RAP1A: variants seen among roughly 807,000 people sequenced by gnomAD.
The protein encoded by RAP1A is ras-related protein Rap-1A.
Under a neutral mutation model 26.4 loss-of-function variants are expected in RAP1A, and 6 were observed. The observed-to-expected ratio is 0.23, with a 90% CI of 0.12 to 0.45. The LOEUF (loss-of-function observed/expected upper bound fraction) is 0.45. Ranked by LOEUF, RAP1A falls within the 20% of genes least tolerant of loss-of-function variation. The probability of loss-of-function intolerance (pLI) is 0.99; values close to 1 mark genes in which losing one functional copy is unlikely to be tolerated. For synonymous variants in RAP1A, 73 were observed against 79.4 expected (o/e 0.92, Z 0.43); for missense variants, 121 against 217.2 (o/e 0.56, Z 2.78).
At chr1:111,642,876 TCTC>T (rs1659939508) in intron 1 of RAP1A, among the ~76,000 whole-genome samples, 1 of 151,082 alleles carries the variant, frequency 6.6e-6, no homozygotes, top group Non-Finnish European at 1.5e-5. Context: ...TTCAGGTGAT[TCTC>T]CTGCCTCAGC....
chr1:111,577,309 G>T lies in RAP1A; in HGVS notation c.-28+34800G>T, dbSNP rs1476626571. 2.7e-5 allele frequency among the ~76,000 whole-genome samples: 4 copies of T among 146,440 alleles called. No individual in the cohort carries two copies. In the Admixed American group the frequency reaches 2.9e-4, roughly 10 times the overall value. On this transcript the variant is annotated intron_variant, in intron 1 of 7. Transcript: ENST00000356415. ...CCCAGCTACTTGGGAGGCTGAGGCA[G>T]GAGAATCCCTTGAACCCAGGAGGTG... is the stretch of plus-strand genomic sequence containing the variant.
chr1:111,615,174 G>C (rs1485634486), upstream of RAP1A, among the ~76,000 whole-genome samples: 1 of 152,094 alleles, frequency 6.6e-6, no homozygotes, highest in Non-Finnish European at 1.5e-5. Context: ...AAGTGGGATG[G>C]AGATACACAA....
chr1:111,618,633 C>A (rs77071413), upstream of RAP1A, among the ~76,000 whole-genome samples: 468 of 152,258 alleles, frequency 3.1e-3, 2 homozygotes, highest in Non-Finnish European at 5.1e-3. Flanking sequence ...TAACAGACAC[C>A]TTAAACATAA....
chr1:111,598,796 T>C (rs564312723), intron 1 of RAP1A, among the ~76,000 whole-genome samples: 5 of 152,242 alleles, frequency 3.3e-5, no homozygotes, highest in African/African-American at 1.2e-4. Flanking sequence ...ACTATCTACC[T>C]GGCGATAGCA....
chr1:111,675,364 C>T lies in RAP1A; in HGVS notation c.-27-15970C>T, dbSNP rs374268293. 2.0e-4 allele frequency among the ~76,000 whole-genome samples: 31 copies of T among 152,018 alleles called. No homozygotes were observed. The East Asian group carries it at 2.5e-3, about 12-fold the overall frequency. ...GCGGGCACCTGTAGTCTCAGCTACTCGGGAGGCTGAGGCAGGAAAATGGTG... is the reference window on the plus strand; with the variant it reads ...GCGGGCACCTGTAGTCTCAGCTACTTGGGAGGCTGAGGCAGGAAAATGGTG... On this transcript the variant is annotated intron_variant, in intron 1 of 7. Coordinates refer to ENST00000369709, the MANE Select transcript of RAP1A (RefSeq NM_002884.4).
chr1:111,555,362 T>TAAAAAAAAAAAAAAAAAAAAA (rs397981230), intron 1 of RAP1A, among the ~76,000 whole-genome samples: 4 of 47,640 alleles, frequency 8.4e-5, no homozygotes, highest in African/African-American at 4.8e-4. Context: ...TGAGACTCTG[T>TAAAAAAAAAAAAAAAAAAAAA]AAAAAAAAAA....
In RAP1A at chr1:111,649,167, GCT is replaced by G. The variant is rs940431998; in HGVS notation, c.-28+29237_-28+29238del. ...GTCCACAGTATTTAAGAAGATCTGA[GCT>G]CTCACGTCCTCGATGGTCTTGAAGT... On this transcript the variant is annotated intron_variant, in intron 1 of 7. Coordinates refer to ENST00000369709, the MANE Select transcript of RAP1A (RefSeq NM_002884.4). 4 of 550,278 alleles carry G rather than the reference GCT, an allele frequency of 7.3e-6. No individual in the cohort carries two copies. The African/African-American group carries it at 7.6e-5, about 10-fold the overall frequency. 34.1% of individuals were successfully genotyped at this position (550,278 alleles called of 1,614,324 possible).
intron 1 of RAP1A, among the ~76,000 whole-genome samples, chr1:111,688,438 G>A (rs952685084): frequency 1.3e-5 from 2 of 150,370 alleles, no homozygotes; most frequent in South Asian, 2.1e-4. Context: ...TCCTGCTTCC[G>A]CCTCCCAAGT....
chr1:111,679,533 A>G lies in RAP1A; in HGVS notation c.-27-11801A>G, dbSNP rs1228967139. On this transcript the variant is annotated intron_variant, in intron 1 of 7. Coordinates refer to ENST00000369709, the MANE Select transcript of RAP1A (RefSeq NM_002884.4). Reference sequence around the variant, plus strand: ...TTTTCTTTTCTTTTTTTTTGTACCCAGTGGCACCTGGAACCCCAGCAACAC... The same window carrying G: ...TTTTCTTTTCTTTTTTTTTGTACCCGGTGGCACCTGGAACCCCAGCAACAC... Among the ~76,000 whole-genome samples, 17 of 145,338 alleles carry G rather than the reference A, an allele frequency of 1.2e-4. No individual in the cohort carries two copies. In the Admixed American group the frequency reaches 1.2e-3, roughly 10 times the overall value.
At position 111,575,537 on chromosome 1, in the gene RAP1A, G is replaced by T. The variant is rs75446978; in HGVS notation, c.-28+33028G>T. 0.02 allele frequency among the ~76,000 whole-genome samples: 3,083 copies of T among 152,208 alleles called. 162 individuals are homozygous for T. In the East Asian group the frequency reaches 0.22, roughly 11 times the overall value. Reference sequence around the variant, plus strand: ...AATTAGCCACTTCATAGTTGTTATGGGCTAAATGAATTGTGTCCCCCTGCC... The same window carrying T: ...AATTAGCCACTTCATAGTTGTTATGTGCTAAATGAATTGTGTCCCCCTGCC... On this transcript the variant is annotated intron_variant, in intron 1 of 7. Transcript: ENST00000356415.
chr1:111,615,222 T>C (rs1013910999), upstream of RAP1A, among the ~76,000 whole-genome samples: 25 of 151,992 alleles, frequency 1.6e-4, no homozygotes, highest in Admixed American at 7.9e-4. Context: ...GTACTAAATT[T>C]GATGGGGAAC....
chr1:111,609,859 A>G (rs1318644649), intron 1 of RAP1A, among the ~76,000 whole-genome samples: 1 of 152,056 alleles, frequency 6.6e-6, no homozygotes, highest in Non-Finnish European at 1.5e-5. Context: ...GGGTTTCACC[A>G]TGTTGGCCAG....
chr1:111,591,914 C>T lies in RAP1A; in HGVS notation c.-28+49405C>T, dbSNP rs149747400. On this transcript the variant is annotated intron_variant, in intron 1 of 7. Coordinates refer to the RAP1A transcript ENST00000356415. Reference sequence around the variant, plus strand: ...GAGATTTATCATGAATCAGTCTCATCAGCTTTTCTCTTTCAGAATTCAGAA... The same window carrying T: ...GAGATTTATCATGAATCAGTCTCATTAGCTTTTCTCTTTCAGAATTCAGAA... Among the ~76,000 whole-genome samples the T allele has an allele frequency of 2.0e-5, 3 of 152,332 alleles. No homozygotes were observed. In the East Asian group the frequency reaches 5.8e-4, roughly 29 times the overall value.
At chr1:111,682,809 C>T (rs1333666557) in intron 1 of RAP1A, among the ~76,000 whole-genome samples, 1 of 152,156 alleles carries the variant, frequency 6.6e-6, no homozygotes, top group Non-Finnish European at 1.5e-5. Context: ...GAACCCAGCT[C>T]TGGACCAAGC....
At chr1:111,594,567 G>GGAAGGAAGGAAGGAAGGAAGGAAGGGA (rs1658528640) in intron 1 of RAP1A, among the ~76,000 whole-genome samples, 1 of 141,462 alleles carries the variant, frequency 7.1e-6, no homozygotes, top group African/African-American at 2.7e-5. Flanking sequence ...AAAGGAGGGA[G>GGAAGGAAGGAAGGAAGGAAGGAAGGGA]GGAAGGAAGG....
chr1:111,695,546 A>G (rs1015925338), intron 3 of RAP1A, 137 bp downstream of exon 3: 2 of 565,702 alleles, frequency 3.5e-6, no homozygotes, highest in East Asian at 7.4e-5. Flanking sequence ...AAGTTTCATC[A>G]AGACAGAACA....
chr1:111,568,407 AC>A (rs974364789), intron 1 of RAP1A, among the ~76,000 whole-genome samples: 1 of 151,984 alleles, frequency 6.6e-6, no homozygotes, highest in Admixed American at 6.6e-5. Flanking sequence ...TCTTTTAAAC[AC>A]CCAGATCTCA....
chr1:111,667,057 T>C (rs1012891388), intron 1 of RAP1A, among the ~76,000 whole-genome samples: 21 of 152,140 alleles, frequency 1.4e-4, no homozygotes, highest in Non-Finnish European at 1.5e-5. Context: ...AAAAGATCAT[T>C]CTGGCTGCAA....
Position 111,691,432 on chromosome 1 carries a change from T to C in RAP1A, c.57+15T>C, listed in dbSNP as rs763110557. On this transcript the variant is annotated intron_variant, in intron 2 of 7. Transcript: ENST00000369709. ...AGTCTGCTCTGGTAAGTTAGCCACC[T>C]AACTGTAACTGATTAATATAATACA... 6.3e-7 allele frequency: 1 copy of C among 1,594,286 alleles called. No homozygotes were observed. Among genetic ancestry groups the C allele is most frequent in the Non-Finnish European group, 8.6e-7 (1 of 1,162,028 alleles).
Sources: gnomAD v4.1 joint callset for allele counts (sites outside exome capture counted in the v4.1 genomes callset) on GRCh38, gnomAD v4.1.1 for gene constraint, MANE v1.5 for transcripts, NCBI Gene and HGNC (gene_info 2026-07-23, HGNC 2026-07-21) for gene names.